Variants in RABGAP1 observed in about 807,000 individuals in gnomAD.
RABGAP1 encodes the protein RAB GTPase activating protein 1.
In RABGAP1, 23 loss-of-function variants were observed where a neutral mutation model predicts 137.6. That is an observed-to-expected ratio of 0.17 (90% CI 0.12 to 0.24). The LOEUF (loss-of-function observed/expected upper bound fraction) is 0.24, where lower values mean the gene tolerates loss of function less well. RABGAP1 is among the 10% of genes least tolerant of loss of function. The pLI is 1.00. For missense variants in RABGAP1, 906 were observed against 1,275.8 expected, an observed-to-expected ratio of 0.71 and a Z score of 4.42; for synonymous variants, 451 against 450.7, an observed-to-expected ratio of 1.00 and a Z score of -0.01.
intron 13 of RABGAP1, chr9:123,063,255 C>T (rs933202771): frequency 1.3e-5 from 2 of 152,836 alleles, no homozygotes; most frequent in African/African-American, 4.8e-5. Context: ...CACAGTTTAT[C>T]ATTCTTAGCA....
intron 13 of RABGAP1, among the ~76,000 whole-genome samples, chr9:123,055,637 C>T (rs2033663337): frequency 6.6e-6 from 1 of 150,590 alleles, no homozygotes; most frequent in Non-Finnish European, 1.5e-5. Context: ...GCAACTTGCG[C>T]CTCCTGGGTT....
At chr9:123,023,125 C>CGTA in intron 13 of RABGAP1, among the ~76,000 whole-genome samples, 1 of 152,108 alleles carries the variant, frequency 6.6e-6, no homozygotes, top group South Asian at 2.1e-4. Flanking sequence ...CCTTACTACA[C>CGTA]CCCTGAGTAA....
intron 13 of RABGAP1, among the ~76,000 whole-genome samples, chr9:123,025,895 T>C (rs551772091): frequency 2.0e-5 from 3 of 152,218 alleles, no homozygotes; most frequent in Non-Finnish European, 2.9e-5. Context: ...TTATATTTTA[T>C]AGAAGCATTA....
chr9:123,035,360 G>T (rs755876037), intron 13 of RABGAP1: 2 of 1,613,978 alleles, frequency 1.2e-6, no homozygotes, highest in Non-Finnish European at 8.5e-7. Context: ...TACATCCTCT[G>T]GTTGCCATAT....
At chr9:123,090,868 C>G (rs1564189219) in intron 21 of RABGAP1, among the ~76,000 whole-genome samples, 1 of 152,190 alleles carries the variant, frequency 6.6e-6, no homozygotes, top group East Asian at 1.9e-4. Flanking sequence ...TTCTCCTAAT[C>G]TTAACAATTT....
At position 123,089,743 on chromosome 9, in the gene RABGAP1, TGATTTATCCTAC is replaced by T. The variant is rs2034980658; in HGVS notation, c.2425-14_2425-3del. The T allele has an allele frequency of 1.3e-6, 2 of 1,598,864 alleles. No individual in the cohort carries two copies. Reference sequence around the variant, plus strand: ...TTCTAATACTTCTTAATTTACCCTATGATTTATCCTACAGATTAGTCAGAAGAAGTTGAAAAA... The same window carrying T: ...TTCTAATACTTCTTAATTTACCCTATAGATTAGTCAGAAGAAGTTGAAAAA... On this transcript the variant is annotated splice_polypyrimidine_tract_variant and splice_region_variant and intron_variant, in intron 19 of 25. Transcript: ENST00000373647.
At chr9:123,062,239 G>C (rs2034003930) in intron 13 of RABGAP1, 1 of 152,256 alleles carries the variant, frequency 6.6e-6, no homozygotes, top group South Asian at 2.1e-4. Context: ...TTGTACTCCA[G>C]CCTGGGCGAC....
intron 17 of RABGAP1, 91 bp downstream of exon 17, chr9:123,074,519 A>G: frequency 7.4e-7 from 1 of 1,344,760 alleles, no homozygotes; most frequent in African/African-American, 1.5e-5. Context: ...CTGTCAAAAC[A>G]GAATTGGTCT....
chr9:123,097,942 T>C (rs1353105884), intron 22 of RABGAP1, 97 bp downstream of exon 22: 2 of 988,218 alleles, frequency 2.0e-6, no homozygotes, highest in Non-Finnish European at 3.0e-6. Flanking sequence ...CCTAGAGACA[T>C]CTGGCTTCAG....
At chr9:122,935,462 C>A in the RABGAP1 span, among the ~76,000 whole-genome samples, 2 of 152,022 alleles carry the variant, frequency 1.3e-5, no homozygotes, top group African/African-American at 4.8e-5. Context: ...CTCAGCCTCC[C>A]GAGTAGCTGG....
intron 19 of RABGAP1, among the ~76,000 whole-genome samples, chr9:123,085,691 G>GA (rs1182919611): frequency 6.6e-6 from 1 of 152,058 alleles, no homozygotes; most frequent in Non-Finnish European, 1.5e-5. Flanking sequence ...AAAAGTAAGA[G>GA]AAAAAAATGA....
At chr9:123,098,267 G>A (rs777708081) in intron 22 of RABGAP1, among the ~76,000 whole-genome samples, 1 of 152,210 alleles carries the variant, frequency 6.6e-6, no homozygotes, top group African/African-American at 2.4e-5. Context: ...AAGAGCTCTG[G>A]GTGCTGTGCG....
In RABGAP1 at chr9:122,945,147, C is replaced by T. The variant is rs114086896; in HGVS notation, c.-50+4054C>T. Among the ~76,000 whole-genome samples the T allele has an allele frequency of 1.9e-3, 143 of 75,816 alleles. 1 individual carries two copies. Among genetic ancestry groups the T allele is most frequent in the Non-Finnish European group, 2.7e-3 (93 of 34,988 alleles). 49.7% of individuals were successfully genotyped at this position (75,816 alleles called of 152,430 possible). A position where few individuals can be genotyped will look rare whatever the true frequency, so the allele number is the denominator to read the frequency against. On this transcript the variant is annotated intron_variant, in intron 1 of 25. Transcript: ENST00000373647. ...CACCATGTATACATCATAGCTGTTG[C>T]TTTTTTTTTTTTTTTTAGCATAAAC...
chr9:123,077,667 T>TTGTAC (rs2034561026), intron 19 of RABGAP1, among the ~76,000 whole-genome samples: 1 of 150,802 alleles, frequency 6.6e-6, no homozygotes, highest in Non-Finnish European at 1.5e-5. Context: ...TTGTATTGTA[T>TTGTAC]TGTATTGTAT....
chr9:123,034,809 C>T (rs759286587), intron 13 of RABGAP1: 27 of 1,613,742 alleles, frequency 1.7e-5, no homozygotes, highest in Non-Finnish European at 2.2e-5. Flanking sequence ...TTGGGGTGAG[C>T]TGCGTGGTCC....
intron 1 of RABGAP1, among the ~76,000 whole-genome samples, chr9:122,943,049 A>G (rs1833692490): frequency 1.3e-5 from 2 of 149,050 alleles, no homozygotes; most frequent in Non-Finnish European, 1.5e-5. Context: ...AATCTGAGAT[A>G]TAGTCATGTT....
At chr9:123,090,480 C>A in intron 21 of RABGAP1, 95 bp downstream of exon 21, 1 of 1,023,522 alleles carries the variant, frequency 9.8e-7, no homozygotes, top group Non-Finnish European at 1.4e-6. Context: ...GTTATTCTAG[C>A]CACCTGTAAA....
At chr9:123,028,030 T>C (rs1051643514) in intron 13 of RABGAP1, among the ~76,000 whole-genome samples, 1 of 152,246 alleles carries the variant, frequency 6.6e-6, no homozygotes, top group African/African-American at 2.4e-5. Context: ...CTGGGAGTTC[T>C]AAAGGTTTCC....
chr9:123,012,528 T>C (rs2030892274), intron 11 of RABGAP1, among the ~76,000 whole-genome samples: 1 of 152,248 alleles, frequency 6.6e-6, no homozygotes, highest in Non-Finnish European at 1.5e-5. Context: ...AGTTTTAATT[T>C]ATAGCAGACA....
Sources: gnomAD v4.1 joint callset for allele counts (sites outside exome capture counted in the v4.1 genomes callset) on GRCh38, gnomAD v4.1.1 for gene constraint, MANE v1.5 for transcripts, NCBI Gene and HGNC (gene_info 2026-07-23, HGNC 2026-07-21) for gene names.